The following DIAPH2 variants were observed in gnomAD, a reference collection of about 807,000 sequenced individuals.
The protein encoded by DIAPH2 is diaphanous related formin 2.
A neutral mutation model predicts 92.7 loss-of-function variants in DIAPH2; 35 were observed. That is an observed-to-expected ratio of 0.38 (90% CI 0.29 to 0.50). DIAPH2 has a LOEUF of 0.50. Ranked by LOEUF, DIAPH2 falls within the 20% of genes least tolerant of loss-of-function variation. The pLI is 0.94. For missense variants in DIAPH2, 701 were observed against 819.5 expected (o/e 0.86, Z 1.77); for synonymous variants, 301 against 280.4 (o/e 1.07, Z -0.73).
intron 1 of DIAPH2, among the ~76,000 whole-genome samples, chrX:96,708,387 G>A (rs985541345): frequency 2.7e-5 from 3 of 109,353 alleles, no homozygotes. Context: ...GATTACAGGC[G>A]CCTGCCACCG....
At chrX:97,390,555 T>C (rs1328069986) in intron 25 of DIAPH2, among the ~76,000 whole-genome samples, 2 of 109,913 alleles carry the variant, frequency 1.8e-5, no homozygotes, top group African/African-American at 6.6e-5. Context: ...TTTTTTGAGA[T>C]GGAGTCTTGC....
At chrX:97,237,925 G>T (rs770781893) in intron 22 of DIAPH2, among the ~76,000 whole-genome samples, 1 of 112,394 alleles carries the variant, frequency 8.9e-6, no homozygotes, top group African/African-American at 3.2e-5. Flanking sequence ...ATTCCACCAA[G>T]ACTTTATCCA....
intron 21 of DIAPH2, 135 bp downstream of exon 21, chrX:97,115,100 A>G: frequency 1.9e-6 from 1 of 534,548 alleles, no homozygotes; most frequent in Non-Finnish European, 2.8e-6. Flanking sequence ...GATGCGAATT[A>G]TATCTCAATT....
intron 26 of DIAPH2, among the ~76,000 whole-genome samples, chrX:97,530,599 AATGT>A (rs2071053279): frequency 9.0e-6 from 1 of 111,694 alleles, no homozygotes; most frequent in Non-Finnish European, 1.9e-5. Context: ...CTGCAAACAA[AATGT>A]CTATATTTAA....
chrX:96,904,167 A>G (rs1406815685), intron 5 of DIAPH2, among the ~76,000 whole-genome samples: 5 of 111,799 alleles, frequency 4.5e-5, no homozygotes, highest in African/African-American at 1.6e-4. Flanking sequence ...TTCTAAGGCA[A>G]TTGTAATCTA....
At position 97,429,650 on chromosome X, in the gene DIAPH2, A is replaced by G; in HGVS notation, c.3146A>G (p.Glu1049Gly). 1 of 1,205,606 alleles carries G rather than the reference A, an allele frequency of 8.3e-7. No homozygotes were observed. The highest frequency in any genetic ancestry group is 1.1e-6 in the Non-Finnish European group (1 of 893,587). ...KKKQLIDINKEGDETGVMDNL... is the reference protein window; with the variant it reads ...KKKQLIDINKGGDETGVMDNL... Reference sequence around the variant, plus strand: ...AATTCTGATTTCTCCCTTTCTCCAGAGGGTGATGAGACTGGTGTGATGGAT... The same window carrying G: ...AATTCTGATTTCTCCCTTTCTCCAGGGGGTGATGAGACTGGTGTGATGGAT... The change falls in exon 26 of 27, where the codon GAG becomes GGG. Residue 1049 changes from glutamate (E) to glycine (G), a missense_variant and splice_region_variant. Transcript: ENST00000324765.
At chrX:96,881,429 A>G (rs2065212316) in intron 4 of DIAPH2, 150 bp from the exon 5 acceptor site, 2 of 455,206 alleles carry the variant, frequency 4.4e-6, no homozygotes, top group Non-Finnish European at 3.4e-6. Flanking sequence ...ATACAACACA[A>G]TTTTACTATA....
chrX:97,423,957 T>C (rs2070036556), intron 25 of DIAPH2, among the ~76,000 whole-genome samples: 1 of 111,982 alleles, frequency 8.9e-6, no homozygotes. Flanking sequence ...GAATTAATGG[T>C]TCTATGAACT....
intron 22 of DIAPH2, among the ~76,000 whole-genome samples, chrX:97,219,172 A>G (rs1379814587): frequency 8.9e-6 from 1 of 112,683 alleles, no homozygotes; most frequent in East Asian, 2.8e-4. Context: ...TTATGTGCTT[A>G]GCACATTCCT....
intron 20 of DIAPH2, among the ~76,000 whole-genome samples, chrX:97,101,883 C>G (rs745864442): frequency 2.7e-5 from 3 of 112,136 alleles, no homozygotes; most frequent in Non-Finnish European, 5.6e-5. Context: ...TACATCCAAA[C>G]ACTTTTTAAC....
chrX:97,002,267 A>G (rs889410505), intron 17 of DIAPH2, among the ~76,000 whole-genome samples: 7 of 110,006 alleles, frequency 6.4e-5, no homozygotes, highest in Non-Finnish European at 1.3e-4. Flanking sequence ...TGCAATGAAA[A>G]GAAGTGATAA....
chrX:97,323,921 A>T (rs191475580), intron 23 of DIAPH2, among the ~76,000 whole-genome samples: 2,562 of 109,487 alleles, frequency 0.023, 28 homozygotes, highest in Middle Eastern at 0.043. Flanking sequence ...AAAAAAAAAA[A>T]AAAATAAGTA....
At position 96,807,944 on chromosome X, in the gene DIAPH2, C is replaced by CAAAAAAAAAAAAAAAAAAAAAAAAAAAAA. The variant is rs541681495; in HGVS notation, c.447+49697_447+49725dup. ...GTGAGATTTGGTATTGTAGAAATAG[C>CAAAAAAAAAAAAAAAAAAAAAAAAAAAAA]AAAAAAAAAAAAAAAAAAAAAAAAA... On this transcript the variant is annotated intron_variant, in intron 4 of 26. Transcript: ENST00000324765. Among the ~76,000 whole-genome samples, 6 of 14,490 alleles carry CAAAAAAAAAAAAAAAAAAAAAAAAAAAAA rather than the reference C, an allele frequency of 4.1e-4. 2 individuals carry two copies. Among genetic ancestry groups the CAAAAAAAAAAAAAAAAAAAAAAAAAAAAA allele is most frequent in the Non-Finnish European group, 6.1e-4 (5 of 8,260 alleles). 12.6% of individuals were successfully genotyped at this position (14,490 alleles called of 115,157 possible).
intron 1 of DIAPH2, among the ~76,000 whole-genome samples, chrX:96,719,300 G>A (rs1396683523): frequency 2.7e-5 from 3 of 111,852 alleles, no homozygotes; most frequent in African/African-American, 9.7e-5. Flanking sequence ...GTGATCTTAT[G>A]TGTCCATTTT....
intron 23 of DIAPH2, among the ~76,000 whole-genome samples, chrX:97,264,466 C>T (rs2068318386): frequency 8.9e-6 from 1 of 111,843 alleles, no homozygotes; most frequent in African/African-American, 3.2e-5. Flanking sequence ...CTATACATTT[C>T]AGGGCACTAT....
At chrX:97,457,132 T>C (rs1253660726) in intron 26 of DIAPH2, among the ~76,000 whole-genome samples, 3 of 111,614 alleles carry the variant, frequency 2.7e-5, no homozygotes, top group Non-Finnish European at 5.6e-5. Flanking sequence ...GCAATCCTCC[T>C]GCCAAAGCCT....
chrX:97,059,738 T>G (rs967306914), intron 17 of DIAPH2, among the ~76,000 whole-genome samples: 1 of 111,874 alleles, frequency 8.9e-6, no homozygotes, highest in African/African-American at 3.2e-5. Context: ...TGGAAGTGGA[T>G]CACCATAAAA....
Position 96,720,992 on chromosome X carries a change from G to C in DIAPH2, c.133-14766G>C, listed in dbSNP as rs765351564. On this transcript the variant is annotated intron_variant, in intron 1 of 26. Coordinates refer to ENST00000324765, the MANE Select transcript of DIAPH2 (RefSeq NM_006729.5). The stretch of plus-strand genomic sequence containing the variant: ...TGATTCCATTCAGTAGGACTCTTAG[G>C]CCTGTGGTTCTACCTTCTTACTGGA... Among the ~76,000 whole-genome samples, 10 of 111,082 alleles carry C rather than the reference G, an allele frequency of 9.0e-5. No homozygotes were observed. In the South Asian group the frequency reaches 3.8e-3, roughly 42 times the overall value.
chrX:97,014,698 G>A (rs902335553), intron 17 of DIAPH2, among the ~76,000 whole-genome samples: 5 of 111,983 alleles, frequency 4.5e-5, no homozygotes, highest in African/African-American at 6.5e-5. Flanking sequence ...ATGAAAACGC[G>A]TCAGTGTGCT....
Sources: gnomAD v4.1 joint callset for allele counts (sites outside exome capture counted in the v4.1 genomes callset) on GRCh38, gnomAD v4.1.1 for gene constraint, MANE v1.5 for transcripts, NCBI Gene and HGNC (gene_info 2026-07-23, HGNC 2026-07-21) for gene names.